The following MCUB variants were observed in gnomAD, a reference collection of about 807,000 sequenced individuals.
MCUB encodes calcium uniporter regulatory subunit MCUb, mitochondrial.
Under a neutral mutation model 41.4 loss-of-function variants are expected in MCUB, and 46 were observed. The ratio of observed to expected loss-of-function variants is 1.11; its 90% CI spans 0.88 to 1.42. The LOEUF is 1.42. Among genes scored for constraint, MCUB ranks in the 40% most tolerant of loss-of-function variants. The pLI, the probability that MCUB is intolerant of heterozygous loss-of-function variation, is 0.00. For synonymous variants in MCUB, 148 were observed against 148.2 expected, an observed-to-expected ratio of 1.00 and a Z score of 0.01; for missense variants, 403 against 404.9, an observed-to-expected ratio of 1.00 and a Z score of 0.04.
At chr4:109,687,040 G>T (rs1729860946) in intron 7 of MCUB, among the ~76,000 whole-genome samples, 1 of 151,690 alleles carries the variant, frequency 6.6e-6, no homozygotes, top group East Asian at 1.9e-4. Flanking sequence ...GCATAAGGAT[G>T]AATTAGTAAA....
intron 4 of MCUB, among the ~76,000 whole-genome samples, chr4:109,671,135 A>G (rs1016147419): frequency 3.9e-5 from 6 of 152,164 alleles, no homozygotes; most frequent in African/African-American, 1.4e-4. Flanking sequence ...CATTGTATTC[A>G]GCCATTTATT....
At chr4:109,594,237 G>C (rs995580313) in intron 1 of MCUB, among the ~76,000 whole-genome samples, 1 of 152,200 alleles carries the variant, frequency 6.6e-6, no homozygotes, top group Non-Finnish European at 1.5e-5. Flanking sequence ...GTAAATATCT[G>C]TCTAAAAAAT....
intron 4 of MCUB, among the ~76,000 whole-genome samples, chr4:109,669,049 TG>T (rs1001518742): frequency 6.6e-5 from 10 of 152,256 alleles, no homozygotes; most frequent in Admixed American, 1.3e-4. Flanking sequence ...TTGAACCGAC[TG>T]TTATCTAGTA....
intron 1 of MCUB, among the ~76,000 whole-genome samples, chr4:109,648,168 T>C (rs1184724696): frequency 6.6e-6 from 1 of 152,150 alleles, no homozygotes; most frequent in East Asian, 1.9e-4. Context: ...TTTCTCTGGG[T>C]TGTAGTCCTT....
chr4:109,567,044 T>G (rs1384293295), intron 1 of MCUB, among the ~76,000 whole-genome samples: 1 of 150,756 alleles, frequency 6.6e-6, no homozygotes, highest in African/African-American at 2.5e-5. Flanking sequence ...AGAGTAGATG[T>G]CTTTTTTGAG....
intron 4 of MCUB, among the ~76,000 whole-genome samples, chr4:109,678,956 GCTC>G (rs1561251352): frequency 6.9e-6 from 1 of 145,260 alleles, no homozygotes; most frequent in African/African-American, 2.6e-5. Flanking sequence ...GGGCAGAGGC[GCTC>G]CTCACTTCCC....
At chr4:109,596,784 G>A (rs1727565806) in intron 1 of MCUB, among the ~76,000 whole-genome samples, 2 of 150,420 alleles carry the variant, frequency 1.3e-5, no homozygotes, top group African/African-American at 4.9e-5. Flanking sequence ...TCACAGAGGG[G>A]GATTTGGCAG....
chr4:109,596,890 T>C (rs991947939), intron 1 of MCUB, among the ~76,000 whole-genome samples: 21 of 151,618 alleles, frequency 1.4e-4, no homozygotes, highest in Non-Finnish European at 2.9e-4. Context: ...CCTTCCGCAG[T>C]GTTTGTGTCC....
chr4:109,603,911 C>T (rs1001811737), intron 1 of MCUB, among the ~76,000 whole-genome samples: 4 of 152,306 alleles, frequency 2.6e-5, no homozygotes, highest in Non-Finnish European at 5.9e-5. Context: ...TGAGAACGGG[C>T]CATGATGACG....
At chr4:109,568,306 A>C (rs1320063346) in intron 1 of MCUB, among the ~76,000 whole-genome samples, 2 of 152,182 alleles carry the variant, frequency 1.3e-5, no homozygotes, top group East Asian at 3.9e-4. Context: ...GTTATTATTG[A>C]AACAAAGGTA....
chr4:109,598,082 CCGGA>C (rs1727624617), intron 1 of MCUB, among the ~76,000 whole-genome samples: 2 of 149,854 alleles, frequency 1.3e-5, no homozygotes, highest in African/African-American at 2.5e-5. Flanking sequence ...GGGATGGCGG[CCGGA>C]CGGAGACGCT....
chr4:109,687,640 G>A lies in MCUB; in HGVS notation c.*48G>A. 1 of 1,248,528 alleles carries A rather than the reference G, an allele frequency of 8.0e-7. No individual in the cohort carries two copies. The highest frequency in any genetic ancestry group is 1.2e-6 in the Non-Finnish European group (1 of 859,068). The allele number at this position is 1,248,528 out of a possible 1,614,324, so 77.3% of individuals were successfully genotyped here. A position where few individuals can be genotyped will look rare whatever the true frequency, so the allele number is the denominator to read the frequency against. ...AGATTTTCCATTATGTATTGATTTT[G>A]CAACTTAGGATGTTTTTGAGTCCCA... On this transcript the variant is annotated 3_prime_UTR_variant, in exon 8 of 8. Transcript: ENST00000394650.
intron 1 of MCUB, among the ~76,000 whole-genome samples, chr4:109,615,170 G>A (rs1244675395): frequency 6.6e-6 from 1 of 152,122 alleles, no homozygotes; most frequent in African/African-American, 2.4e-5. Flanking sequence ...TAGACTTGAG[G>A]ATATCTGGCA....
intron 3 of MCUB, among the ~76,000 whole-genome samples, chr4:109,662,649 GTCTTT>G (rs1246156470): frequency 6.6e-6 from 1 of 152,126 alleles, no homozygotes; most frequent in Non-Finnish European, 1.5e-5. Context: ...TTTCACGTCA[GTCTTT>G]TGCTATTCAT....
chr4:109,664,772 G>T (rs1437946445), intron 4 of MCUB, among the ~76,000 whole-genome samples: 2 of 152,130 alleles, frequency 1.3e-5, no homozygotes, highest in Non-Finnish European at 2.9e-5. Context: ...AGGGGTATAA[G>T]TGATCACCTA....
intron 1 of MCUB, among the ~76,000 whole-genome samples, chr4:109,603,581 T>C (rs1217442261): frequency 6.6e-6 from 1 of 150,712 alleles, no homozygotes; most frequent in African/African-American, 2.5e-5. Context: ...GAGGAGCGTC[T>C]CTACCTGGCC....
intron 1 of MCUB, among the ~76,000 whole-genome samples, chr4:109,632,615 C>CTT (rs33926597): frequency 0.31 from 35,736 of 116,762 alleles, 6,313 homozygotes; most frequent in East Asian, 0.51. Flanking sequence ...TCTGTCATTG[C>CTT]TTTTTTTTTT....
chr4:109,567,036 A>C (rs1184081985), intron 1 of MCUB, among the ~76,000 whole-genome samples: 1 of 149,338 alleles, frequency 6.7e-6, no homozygotes, highest in Non-Finnish European at 1.5e-5. Flanking sequence ...TTGGTTGAAG[A>C]GTAGATGTCT....
At chr4:109,652,862 A>G (rs1248636701) in intron 1 of MCUB, among the ~76,000 whole-genome samples, 1 of 152,140 alleles carries the variant, frequency 6.6e-6, no homozygotes, top group Non-Finnish European at 1.5e-5. Context: ...TTTAACGTGT[A>G]TTTACTGAGC....
Sources: gnomAD v4.1 joint callset for allele counts (sites outside exome capture counted in the v4.1 genomes callset) on GRCh38, gnomAD v4.1.1 for gene constraint, MANE v1.5 for transcripts, NCBI Gene and HGNC (gene_info 2026-07-23, HGNC 2026-07-21) for gene names.